Variants in FSTL5 observed in about 807,000 individuals in gnomAD.
The protein encoded by FSTL5 is follistatin like 5.
A neutral mutation model predicts 89.1 loss-of-function variants in FSTL5; 62 were observed. That is an observed-to-expected ratio of 0.70 (90% CI 0.57 to 0.86). The LOEUF (loss-of-function observed/expected upper bound fraction) is 0.86. FSTL5 is among the 40% of genes least tolerant of loss of function. The pLI is 0.00. For synonymous variants in FSTL5, 383 were observed against 346.2 expected (o/e 1.11, Z -1.18); for missense variants, 1,057 against 1,001.6 (o/e 1.06, Z -0.75).
chr4:161,571,233 C>A (rs1187268341), intron 8 of FSTL5, among the ~76,000 whole-genome samples: 1 of 151,962 alleles, frequency 6.6e-6, no homozygotes, highest in African/African-American at 2.4e-5. Context: ...GAGAAAAGCC[C>A]CTAGGTGGGA....
chr4:161,704,291 A>T (rs1050640630), intron 6 of FSTL5, among the ~76,000 whole-genome samples: 12 of 152,096 alleles, frequency 7.9e-5, no homozygotes, highest in Non-Finnish European at 1.2e-4. Flanking sequence ...ACCAATGTTC[A>T]TCTTGCATAT....
chr4:162,158,564 A>G (rs1434360034), intron 1 of FSTL5, among the ~76,000 whole-genome samples: 1 of 152,028 alleles, frequency 6.6e-6, no homozygotes, highest in East Asian at 1.9e-4. Flanking sequence ...TAGTTACTGG[A>G]CTTTTGACCT....
At chr4:161,500,287 C>T (rs1730251882) in intron 11 of FSTL5, among the ~76,000 whole-genome samples, 153 bp from the exon 12 acceptor site, 1 of 152,140 alleles carries the variant, frequency 6.6e-6, no homozygotes. Flanking sequence ...TTACTGTATA[C>T]TCGCACCACT....
intron 5 of FSTL5, among the ~76,000 whole-genome samples, chr4:161,766,586 G>A (rs184033114): frequency 9.9e-4 from 151 of 152,118 alleles, no homozygotes; most frequent in South Asian, 3.5e-3. Context: ...TTGTGTCTTC[G>A]GGAAATCCTG....
chr4:161,422,359 TCTA>T (rs1453609867), intron 15 of FSTL5, among the ~76,000 whole-genome samples: 1 of 152,200 alleles, frequency 6.6e-6, no homozygotes, highest in Non-Finnish European at 1.5e-5. Flanking sequence ...GTAAAGAGCG[TCTA>T]CTATTACTAC....
intron 4 of FSTL5, among the ~76,000 whole-genome samples, chr4:161,847,999 G>A (rs1023234529): frequency 8.5e-6 from 1 of 117,138 alleles, no homozygotes; most frequent in African/African-American, 3.2e-5. Context: ...TCGCGCCACT[G>A]CACTCCAGCC....
intron 8 of FSTL5, among the ~76,000 whole-genome samples, chr4:161,577,993 A>G (rs943592810): frequency 6.6e-5 from 10 of 152,172 alleles, no homozygotes; most frequent in African/African-American, 2.4e-4. Flanking sequence ...TTCTTTTTTA[A>G]AGTCTCAAAA....
At chr4:161,490,791 C>T (rs917113808) in intron 12 of FSTL5, among the ~76,000 whole-genome samples, 1 of 152,068 alleles carries the variant, frequency 6.6e-6, no homozygotes, top group South Asian at 2.1e-4. Flanking sequence ...ATTTGTTCTA[C>T]ATAAGAATGA....
chr4:161,456,927 T>C (rs1438511837), intron 14 of FSTL5, among the ~76,000 whole-genome samples: 1 of 152,164 alleles, frequency 6.6e-6, no homozygotes, highest in Non-Finnish European at 1.5e-5. Flanking sequence ...TCTAGAGTAA[T>C]GATGATTATC....
At chr4:161,653,646 G>T (rs1299136614) in intron 7 of FSTL5, among the ~76,000 whole-genome samples, 1 of 152,098 alleles carries the variant, frequency 6.6e-6, no homozygotes, top group Non-Finnish European at 1.5e-5. Flanking sequence ...TATTTACACA[G>T]TAAAGTCCTT....
intron 3 of FSTL5, among the ~76,000 whole-genome samples, chr4:162,010,458 C>A (rs1195724602): frequency 1.3e-5 from 2 of 152,058 alleles, no homozygotes; most frequent in Non-Finnish European, 2.9e-5. Context: ...AAGAAATAAT[C>A]CACACACCAT....
intron 2 of FSTL5, among the ~76,000 whole-genome samples, chr4:162,089,433 G>A (rs945192238): frequency 7.3e-5 from 11 of 151,502 alleles, no homozygotes; most frequent in African/African-American, 2.2e-4. Context: ...TCAGGAGTTC[G>A]AGACTAGCCT....
chr4:161,579,049 C>G (rs1056657613), intron 8 of FSTL5, among the ~76,000 whole-genome samples: 57 of 152,058 alleles, frequency 3.7e-4, no homozygotes, highest in African/African-American at 1.4e-3. Flanking sequence ...ATCAGAAATG[C>G]AAATGTTTTG....
intron 6 of FSTL5, among the ~76,000 whole-genome samples, chr4:161,748,345 T>G (rs62330802): frequency 0.022 from 3,354 of 152,228 alleles, 71 homozygotes; most frequent in Non-Finnish European, 0.032. Context: ...AATATGTACA[T>G]ATGTACATAT....
chr4:161,680,975 C>A (rs914008534), intron 6 of FSTL5, among the ~76,000 whole-genome samples: 4 of 151,916 alleles, frequency 2.6e-5, no homozygotes, highest in African/African-American at 9.7e-5. Context: ...TGAAGTGTAA[C>A]ACTGCAAATG....
At chr4:162,006,349 T>C (rs909325189) in intron 3 of FSTL5, among the ~76,000 whole-genome samples, 1 of 151,942 alleles carries the variant, frequency 6.6e-6, no homozygotes, top group African/African-American at 2.4e-5. Flanking sequence ...TGAGTAAAAC[T>C]AGAGCTTTTA....
At chr4:161,702,216 C>T (rs1738416085) in intron 6 of FSTL5, among the ~76,000 whole-genome samples, 1 of 152,050 alleles carries the variant, frequency 6.6e-6, no homozygotes, top group South Asian at 2.1e-4. Context: ...AGTAAAACCA[C>T]ATTAAAATTT....
chr4:161,738,160 A>C (rs1739885616), intron 6 of FSTL5, among the ~76,000 whole-genome samples: 1 of 152,070 alleles, frequency 6.6e-6, no homozygotes. Context: ...TTTTACTATT[A>C]ATAAACTACG....
At chr4:161,898,857 C>T (rs1354803358) in intron 4 of FSTL5, among the ~76,000 whole-genome samples, 2 of 151,906 alleles carry the variant, frequency 1.3e-5, no homozygotes, top group African/African-American at 4.8e-5. Context: ...TCTGGATCTC[C>T]TGACCTAATG....
Sources: gnomAD v4.1 joint callset for allele counts (sites outside exome capture counted in the v4.1 genomes callset) on GRCh38, gnomAD v4.1.1 for gene constraint, MANE v1.5 for transcripts, NCBI Gene and HGNC (gene_info 2026-07-23, HGNC 2026-07-21) for gene names.